The following ALMS1 variants were observed in gnomAD, a reference collection of about 807,000 sequenced individuals.
ALMS1 encodes the protein ALMS1 centrosome and basal body associated protein.
A neutral mutation model predicts 352.2 loss-of-function variants in ALMS1; 271 were observed. That is an observed-to-expected ratio of 0.77 (90% confidence interval 0.70 to 0.85). ALMS1 has a LOEUF of 0.85. Ranked by LOEUF, ALMS1 falls within the 40% of genes least tolerant of loss-of-function variation. ALMS1 has a pLI of 0.00. For synonymous variants in ALMS1, 1,865 were observed against 1,761.2 expected (o/e 1.06, Z -1.48); for missense variants, 5,445 against 4,870.7 (o/e 1.12, Z -3.51).
intron 20 of ALMS1, 152 bp downstream of exon 20, chr2:73,602,520 A>G: frequency 3.3e-6 from 3 of 912,652 alleles, no homozygotes; most frequent in South Asian, 2.9e-5. Flanking sequence ...CTTAGCTAGC[A>G]GAATCTCCCC....
At chr2:73,540,040 G>A (rs1407767392) in intron 12 of ALMS1, among the ~76,000 whole-genome samples, 2 of 152,084 alleles carry the variant, frequency 1.3e-5, no homozygotes, top group East Asian at 1.9e-4. Context: ...GATGCTCCTC[G>A]AGAAGAGCAA....
At chr2:73,442,464 T>C (rs1671738013) in intron 7 of ALMS1, among the ~76,000 whole-genome samples, 3 of 152,180 alleles carry the variant, frequency 2.0e-5, no homozygotes, top group Admixed American at 2.0e-4. Flanking sequence ...TCTCTGTTTC[T>C]CAAGTTTTAA....
At chr2:73,538,696 C>CTT (rs958764000) in intron 12 of ALMS1, among the ~76,000 whole-genome samples, 9 of 152,166 alleles carry the variant, frequency 5.9e-5, no homozygotes, top group Non-Finnish European at 1.2e-4. Context: ...TAATACTGCG[C>CTT]TTTTCCAACG....
chr2:73,451,633 T>C lies in ALMS1; in HGVS notation c.5106T>C (p.Thr1702=), dbSNP rs1347326954. Residue 1702 remains threonine (T), a synonymous_variant, in exon 8 of 23, where the codon ACT becomes ACC. Transcript: ENST00000613296. ...TTCCTGGACCAGATGCCCAGAAGAC[T>C]GAGACACCATCAGTATCCTCTAGTT... ...PPVPGPDAQK[T]ETPSVSSSLY... 1 of 1,613,966 alleles carries C rather than the reference T, an allele frequency of 6.2e-7. No homozygotes were observed. Among genetic ancestry groups the C allele is most frequent in the African/African-American group, 1.3e-5 (1 of 74,900 alleles).
chr2:73,577,619 T>A (rs915423022), intron 16 of ALMS1, among the ~76,000 whole-genome samples: 2 of 152,160 alleles, frequency 1.3e-5, no homozygotes, highest in Non-Finnish European at 2.9e-5. Flanking sequence ...AGTTTTGGTA[T>A]GTTTGTCTTC....
chr2:73,432,178 C>T lies in ALMS1; in HGVS notation c.1339-20C>T, dbSNP rs1553401589. 4 of 1,584,904 alleles carry T rather than the reference C, an allele frequency of 2.5e-6. No individual in the cohort carries two copies. Among genetic ancestry groups the T allele is most frequent in the South Asian group, 1.1e-5 (1 of 90,412 alleles). On this transcript the variant is annotated intron_variant, in intron 6 of 22. Coordinates refer to ENST00000613296, the MANE Select transcript of ALMS1 (RefSeq NM_001378454.1). ...AATGAGTCTTTTTCATTTTTATTGC[C>T]TTCATTTGTTCCACATAAGCCAACA...
chr2:73,544,046 G>T (rs1057051497), intron 12 of ALMS1, among the ~76,000 whole-genome samples: 1 of 152,116 alleles, frequency 6.6e-6, no homozygotes, highest in Non-Finnish European at 1.5e-5. Context: ...AAATCATGCT[G>T]CTATAAAGAC....
chr2:73,537,706 T>A (rs1674060860), intron 12 of ALMS1, among the ~76,000 whole-genome samples: 1 of 152,242 alleles, frequency 6.6e-6, no homozygotes, highest in East Asian at 1.9e-4. Flanking sequence ...GTTGGCGCAT[T>A]GTATTACTTA....
intron 16 of ALMS1, among the ~76,000 whole-genome samples, chr2:73,589,478 CA>C (rs1675378291): frequency 6.6e-6 from 1 of 152,150 alleles, no homozygotes; most frequent in African/African-American, 2.4e-5. Flanking sequence ...ATTTTATCAC[CA>C]TATGCCATCC....
chr2:73,452,330 A>T lies in ALMS1; in HGVS notation c.5803A>T (p.Thr1935Ser). ...GQGDRKTEIP[T>S]VPLSYYSRRE... Reference sequence around the variant, plus strand: ...AGGTGACCGGAAGACTGAGATACCAACAGTACCTTTAAGTTACTACTCACG... The same window carrying T: ...AGGTGACCGGAAGACTGAGATACCATCAGTACCTTTAAGTTACTACTCACG... The change falls in exon 8 of 23, where the codon ACA (threonine) becomes TCA (serine). Residue 1935 changes from threonine (T) to serine (S), a missense_variant. Physicochemically the swap from Thr to Ser is moderately conservative, Grantham distance 58 (BLOSUM62 1). Coordinates refer to ENST00000613296, the MANE Select transcript of ALMS1 (RefSeq NM_001378454.1). 6.2e-7 allele frequency: 1 copy of T among 1,614,056 alleles called. No homozygotes were observed. Among genetic ancestry groups the T allele is most frequent in the Non-Finnish European group, 8.5e-7 (1 of 1,179,990 alleles).
At chr2:73,489,078 T>G (rs1672919035) in intron 9 of ALMS1, among the ~76,000 whole-genome samples, 1 of 152,230 alleles carries the variant, frequency 6.6e-6, no homozygotes, top group Non-Finnish European at 1.5e-5. Flanking sequence ...GTCTTACACA[T>G]GACTTCCAAG....
chr2:73,593,973 A>C (rs934139594), intron 16 of ALMS1, among the ~76,000 whole-genome samples: 16 of 152,264 alleles, frequency 1.1e-4, no homozygotes, highest in African/African-American at 3.9e-4. Context: ...GTATCTATTC[A>C]TCAGTTCATG....
chr2:73,422,224 A>G (rs6546832), intron 3 of ALMS1, among the ~76,000 whole-genome samples: 132,663 of 152,106 alleles, frequency 0.87, 57,940 homozygotes, highest in Admixed American at 0.92. Flanking sequence ...CATAATAGAA[A>G]ACATCAAGAC....
chr2:73,527,200 T>C (rs1673808639), intron 11 of ALMS1, among the ~76,000 whole-genome samples: 2 of 152,054 alleles, frequency 1.3e-5, no homozygotes, highest in African/African-American at 4.8e-5. Context: ...TTTGCATCAA[T>C]ATTCATGAGG....
chr2:73,394,004 A>G (rs868661040), intron 1 of ALMS1, among the ~76,000 whole-genome samples: 9 of 151,656 alleles, frequency 5.9e-5, no homozygotes, highest in African/African-American at 2.2e-4. Context: ...TAGGTTTTGT[A>G]GGGATGGAAT....
chr2:73,414,357 T>C (rs1160976189), intron 2 of ALMS1, among the ~76,000 whole-genome samples: 3 of 137,122 alleles, frequency 2.2e-5, no homozygotes, highest in Admixed American at 8.0e-5. Flanking sequence ...CTAATCTCAC[T>C]TACTAGTTTT....
At position 73,453,468 on chromosome 2, in the gene ALMS1, G is replaced by A; in HGVS notation, c.6941G>A (p.Gly2314Asp). The A allele has an allele frequency of 1.2e-6, 2 of 1,613,382 alleles. No homozygotes were observed. Among genetic ancestry groups the A allele is most frequent in the Non-Finnish European group, 1.7e-6 (2 of 1,179,684 alleles). ...CCCTCTTCCACGGGTGTATCTAATG[G>A]TGATTTGCTTCACAGACAGCCATTC... ...KEPSSTGVSN[G>D]DLLHRQPFTE... Residue 2314 changes from glycine (G) to aspartate (D), a missense_variant, in exon 8 of 23, where the codon GGT becomes GAT. Physicochemically the swap from Gly to Asp is moderately conservative, Grantham distance 94 (BLOSUM62 -1). Coordinates refer to ENST00000613296, the MANE Select transcript of ALMS1 (RefSeq NM_001378454.1).
intron 16 of ALMS1, 41 bp from the exon 17 acceptor site, chr2:73,599,360 G>A: frequency 1.9e-6 from 3 of 1,607,848 alleles, no homozygotes; most frequent in Non-Finnish European, 2.5e-6. Context: ...CTGTGACATT[G>A]ACTGCAGGTA....
chr2:73,563,753 AT>A (rs1674718387), intron 15 of ALMS1, among the ~76,000 whole-genome samples: 4 of 146,644 alleles, frequency 2.7e-5, no homozygotes, highest in East Asian at 2.0e-4. Flanking sequence ...AAAATAAAAA[AT>A]GAAGGTATGG....
Sources: gnomAD v4.1 joint callset for allele counts (sites outside exome capture counted in the v4.1 genomes callset) on GRCh38, gnomAD v4.1.1 for gene constraint, MANE v1.5 for transcripts, NCBI Gene and HGNC (gene_info 2026-07-23, HGNC 2026-07-21) for gene names.